The following PRKX variants were observed in gnomAD, a reference collection of about 807,000 sequenced individuals.
The protein encoded by PRKX is cAMP-dependent protein kinase catalytic subunit PRKX.
In PRKX, 12 loss-of-function variants were observed where a neutral mutation model predicts 22.0. The observed-to-expected ratio is 0.54, with a 90% CI of 0.35 to 0.88. The LOEUF is 0.88. PRKX is among the 40% of genes least tolerant of loss of function. The pLI, the probability that PRKX is intolerant of heterozygous loss-of-function variation, is 0.01. For missense variants in PRKX, 217 were observed against 308.0 expected (o/e 0.70, Z 2.21); for synonymous variants, 134 against 137.7 (o/e 0.97, Z 0.19).
chrX:3,611,108 G>A (rs1485383312), intron 8 of PRKX: 1 of 111,939 alleles, frequency 8.9e-6, no homozygotes, highest in Non-Finnish European at 1.9e-5. Context: ...TCTTCTCGAG[G>A]TCATAGCCAC....
chrX:3,650,302 A>C (rs1322535920), intron 3 of PRKX, among the ~76,000 whole-genome samples: 17 of 108,027 alleles, frequency 1.6e-4, no homozygotes, highest in South Asian at 8.2e-4. Flanking sequence ...CGGGCGGATC[A>C]CGAGGTCAGG....
chrX:3,652,627 C>T (rs1372565488), intron 3 of PRKX, among the ~76,000 whole-genome samples: 1 of 111,409 alleles, frequency 9.0e-6, no homozygotes, highest in Non-Finnish European at 1.9e-5. Context: ...ACTGTTTTCT[C>T]CTCAATGGAG....
intron 5 of PRKX, among the ~76,000 whole-genome samples, chrX:3,623,178 G>GTT (rs1440354342): frequency 5.5e-5 from 6 of 109,702 alleles, no homozygotes; most frequent in Admixed American, 9.8e-5. Flanking sequence ...GTGTGTGTGT[G>GTT]TGTGTGTGTC....
At chrX:3,639,687 T>C (rs1421587723) in intron 4 of PRKX, among the ~76,000 whole-genome samples, 1 of 110,524 alleles carries the variant, frequency 9.0e-6, no homozygotes, top group Non-Finnish European at 1.9e-5. Flanking sequence ...AATACAGGTT[T>C]TTACGGGTTC....
At chrX:3,645,426 C>A (rs1393744251) in intron 3 of PRKX, among the ~76,000 whole-genome samples, 1 of 111,962 alleles carries the variant, frequency 8.9e-6, no homozygotes, top group African/African-American at 3.2e-5. Context: ...AAGTCCTAAA[C>A]CCCAGTATTT....
intron 3 of PRKX, among the ~76,000 whole-genome samples, chrX:3,650,446 G>A (rs1156901077): frequency 4.0e-5 from 4 of 100,833 alleles, no homozygotes; most frequent in African/African-American, 1.1e-4. Flanking sequence ...GCGTGAACCC[G>A]GGAGGCAGAG....
intron 6 of PRKX, among the ~76,000 whole-genome samples, chrX:3,620,461 T>G (rs371693542): frequency 1.8e-5 from 2 of 112,331 alleles, no homozygotes; most frequent in East Asian, 5.6e-4. Context: ...AAACTGGTAG[T>G]GGTCCACGGC....
chrX:3,630,388 G>A (rs1345483580), intron 4 of PRKX, among the ~76,000 whole-genome samples: 3 of 108,962 alleles, frequency 2.8e-5, no homozygotes, highest in East Asian at 5.7e-4. Flanking sequence ...GTGAAACCCT[G>A]TCTCTACCAA....
At chrX:3,687,619 A>G (rs1928203429) in intron 1 of PRKX, among the ~76,000 whole-genome samples, 1 of 111,322 alleles carries the variant, frequency 9.0e-6, no homozygotes, top group Non-Finnish European at 1.9e-5. Flanking sequence ...CATATTTTAA[A>G]TAATCTGCAT....
chrX:3,628,507 T>C (rs1222486831), intron 4 of PRKX, among the ~76,000 whole-genome samples: 2 of 111,845 alleles, frequency 1.8e-5, no homozygotes, highest in Admixed American at 1.9e-4. Flanking sequence ...CCCATGAATA[T>C]GTACAATTAT....
chrX:3,678,451 T>C (rs1329034395), intron 1 of PRKX, among the ~76,000 whole-genome samples: 2 of 112,140 alleles, frequency 1.8e-5, no homozygotes, highest in African/African-American at 6.5e-5. Flanking sequence ...GAATTCTCCA[T>C]GCCTACTTTA....
intron 1 of PRKX, among the ~76,000 whole-genome samples, chrX:3,678,687 T>G (rs192670237): frequency 1.2e-3 from 134 of 111,944 alleles, no homozygotes; most frequent in African/African-American, 4.2e-3. Flanking sequence ...AGAAGTGGCA[T>G]GCTGTAATGT....
At chrX:3,624,673 G>A (rs1272408009) in intron 5 of PRKX, among the ~76,000 whole-genome samples, 1 of 110,364 alleles carries the variant, frequency 9.1e-6, no homozygotes, top group South Asian at 3.9e-4. Context: ...AGTCTGGAGT[G>A]CAGTGGTGCA....
At chrX:3,659,708 G>GT (rs1174844614) in intron 2 of PRKX, among the ~76,000 whole-genome samples, 1 of 60,161 alleles carries the variant, frequency 1.7e-5, no homozygotes, top group Non-Finnish European at 2.6e-5. Context: ...TTGGAGTGGT[G>GT]TTTTTTTTGT....
At chrX:3,637,855 G>A (rs1236076832) in intron 4 of PRKX, among the ~76,000 whole-genome samples, 2 of 105,994 alleles carry the variant, frequency 1.9e-5, no homozygotes, top group Non-Finnish European at 3.9e-5. Flanking sequence ...CAACCTACCC[G>A]CCTCCTAGGT....
chrX:3,704,925 A>T (rs1270340485), intron 1 of PRKX, among the ~76,000 whole-genome samples: 2 of 111,399 alleles, frequency 1.8e-5, no homozygotes, highest in African/African-American at 6.5e-5. Context: ...TCTTCACTGT[A>T]TGTGGTTTTA....
chrX:3,701,069 C>G (rs1345580221), intron 1 of PRKX, among the ~76,000 whole-genome samples: 1 of 109,036 alleles, frequency 9.2e-6, no homozygotes, highest in Non-Finnish European at 1.9e-5. Context: ...TTATTTTTTT[C>G]TTCTGTTTTC....
intron 4 of PRKX, among the ~76,000 whole-genome samples, chrX:3,631,068 C>T (rs990745438): frequency 1.8e-5 from 2 of 112,108 alleles, no homozygotes; most frequent in African/African-American, 6.5e-5. Context: ...AACGGAAATA[C>T]CTTATAAAAC....
At chrX:3,684,704 G>A (rs1928141084) in intron 1 of PRKX, among the ~76,000 whole-genome samples, 2 of 111,361 alleles carry the variant, frequency 1.8e-5, no homozygotes, top group Admixed American at 1.9e-4. Flanking sequence ...GGGCAGGGCT[G>A]GTTCCTCCTG....
Sources: allele counts gnomAD v4.1 joint callset (sites outside exome capture counted in the v4.1 genomes callset), GRCh38; gene constraint gnomAD v4.1.1; transcripts MANE v1.5; gene names NCBI Gene and HGNC (gene_info 2026-07-23, HGNC 2026-07-21).